EPHA6: variants seen among roughly 807,000 people sequenced by gnomAD.
EPHA6 encodes ephrin type-A receptor 6.
EPHA6 carries 50 observed loss-of-function variants against 112.0 expected under a neutral mutation model. The observed-to-expected ratio is 0.45, with a 90% CI of 0.36 to 0.56. The LOEUF (loss-of-function observed/expected upper bound fraction) is 0.56, where lower values mean the gene tolerates loss of function less well. Among genes scored for constraint, EPHA6 ranks in the 20% least tolerant of loss-of-function variants. The pLI is 0.00. For missense variants in EPHA6, 1,280 were observed against 1,417.4 expected (o/e 0.90, Z 1.56); for synonymous variants, 529 against 490.7 (o/e 1.08, Z -1.03).
chr3:97,481,595 G>A (rs1320036827), intron 9 of EPHA6: 4 of 532,974 alleles, frequency 7.5e-6, no homozygotes, highest in African/African-American at 1.9e-5. Flanking sequence ...GGGTCAGAAA[G>A]TCTTCAGGGA....
Position 97,750,973 on chromosome 3 carries a change from A to C in EPHA6, c.*2272A>C, listed in dbSNP as rs542752228. 1.3e-5 allele frequency among the ~76,000 whole-genome samples: 2 copies of C among 152,264 alleles called. No individual in the cohort carries two copies. The highest frequency in any genetic ancestry group is 3.9e-4 in the East Asian group (2 of 5,182). On this transcript the variant is annotated 3_prime_UTR_variant, in exon 18 of 18. Transcript: ENST00000389672. ...TCTGCAGTTTGCTTGATACATTTAC[A>C]CAAATCTGGATACACTTAGAAGAAA...
At chr3:97,501,002 A>G (rs1172033935) in intron 10 of EPHA6, among the ~76,000 whole-genome samples, 1 of 152,166 alleles carries the variant, frequency 6.6e-6, no homozygotes, top group East Asian at 1.9e-4. Context: ...TAATATTTTC[A>G]TAATTTTGAA....
chr3:97,670,590 G>C (rs1184345101), intron 14 of EPHA6, among the ~76,000 whole-genome samples: 1 of 152,148 alleles, frequency 6.6e-6, no homozygotes, highest in African/African-American at 2.4e-5. Context: ...TTGTATAGCT[G>C]CAGCTGTCTG....
chr3:97,694,070 G>A (rs1456385659), intron 14 of EPHA6, among the ~76,000 whole-genome samples: 3 of 151,826 alleles, frequency 2.0e-5, no homozygotes, highest in Admixed American at 6.6e-5. Flanking sequence ...ATCACAAATG[G>A]TCCCCTATTA....
At chr3:96,878,876 T>G (rs2037131209) in intron 2 of EPHA6, among the ~76,000 whole-genome samples, 1 of 152,006 alleles carries the variant, frequency 6.6e-6, no homozygotes, top group African/African-American at 2.4e-5. Context: ...TTGTCTATAC[T>G]TTTACTGATT....
chr3:97,671,896 C>T (rs1313377567), intron 14 of EPHA6, among the ~76,000 whole-genome samples: 2 of 151,904 alleles, frequency 1.3e-5, no homozygotes, highest in African/African-American at 2.4e-5. Context: ...AAGGTTTAAC[C>T]TACTTCTCTA....
intron 6 of EPHA6, among the ~76,000 whole-genome samples, chr3:97,412,487 A>G (rs2087792358): frequency 6.6e-6 from 1 of 151,972 alleles, no homozygotes; most frequent in South Asian, 2.1e-4. Flanking sequence ...GGAATAAATA[A>G]TCTAAGTTGT....
At chr3:97,026,404 G>A (rs2044639984) in intron 3 of EPHA6, among the ~76,000 whole-genome samples, 1 of 152,076 alleles carries the variant, frequency 6.6e-6, no homozygotes, top group Non-Finnish European at 1.5e-5. Context: ...CCATGAGCAT[G>A]GAATGTTTGT....
chr3:96,935,163 T>C (rs1323810618), intron 2 of EPHA6, among the ~76,000 whole-genome samples: 2 of 151,834 alleles, frequency 1.3e-5, no homozygotes. Context: ...AAGACAATAC[T>C]CACATTAACA....
Position 97,760,546 on chromosome 3 carries a change from A to G in EPHA6, c.*11845A>G, listed in dbSNP as rs981723108. The G allele has an allele frequency of 9.8e-6, 1 of 101,814 alleles. No homozygotes were observed. The highest frequency in any genetic ancestry group is 3.6e-5 in the African/African-American group (1 of 27,560). The allele number at this position is 101,814 out of a possible 1,614,324, so 6.3% of individuals were successfully genotyped here. A position where few individuals can be genotyped will look rare whatever the true frequency, so the allele number is the denominator to read the frequency against. On this transcript the variant is annotated 3_prime_UTR_variant, in exon 18 of 18. Coordinates refer to ENST00000389672, the MANE Select transcript of EPHA6 (RefSeq NM_001080448.3). ...TTGCTGTTCTAGCATAGCCAAAAAT[A>G]TAAAGATATAGATGTACATATACAT...
At chr3:97,077,153 A>G (rs1414712910) in intron 3 of EPHA6, among the ~76,000 whole-genome samples, 1 of 152,152 alleles carries the variant, frequency 6.6e-6, no homozygotes, top group Non-Finnish European at 1.5e-5. Context: ...ATCTGGCAAA[A>G]TAAATTGAAA....
intron 3 of EPHA6, among the ~76,000 whole-genome samples, chr3:97,153,613 A>G (rs1169257720): frequency 1.3e-5 from 2 of 152,160 alleles, no homozygotes; most frequent in East Asian, 3.9e-4. Flanking sequence ...AGGGACTAAA[A>G]AAACATAGTT....
intron 3 of EPHA6, among the ~76,000 whole-genome samples, chr3:97,092,493 C>G (rs1416326382): frequency 6.6e-6 from 1 of 151,926 alleles, no homozygotes; most frequent in Non-Finnish European, 1.5e-5. Context: ...CCCTCAAATA[C>G]CAGTTTTGAG....
rs2035967640 is a variant in EPHA6, at chr3:97,754,162, CA to C, written c.*5462del. 2.8e-5 allele frequency among the ~76,000 whole-genome samples: 4 copies of C among 145,444 alleles called. No individual in the cohort carries two copies. The highest frequency in any genetic ancestry group is 6.0e-5 in the Non-Finnish European group (4 of 67,108). Reference sequence around the variant, plus strand: ...GGAGTGCAATGGTGCAATCTTGGCTCACCACAACCTCCGCCTCCCAGGTTCA... The same window carrying C: ...GGAGTGCAATGGTGCAATCTTGGCTCCCACAACCTCCGCCTCCCAGGTTCA... On this transcript the variant is annotated 3_prime_UTR_variant, in exon 18 of 18. Coordinates refer to ENST00000389672, the MANE Select transcript of EPHA6 (RefSeq NM_001080448.3).
intron 7 of EPHA6, among the ~76,000 whole-genome samples, chr3:97,462,495 T>C (rs1008110752): frequency 2.6e-5 from 4 of 152,174 alleles, no homozygotes; most frequent in African/African-American, 7.2e-5. Flanking sequence ...AGAAGACTTA[T>C]GTATCATAGC....
intron 5 of EPHA6, among the ~76,000 whole-genome samples, chr3:97,319,091 G>A (rs550448772): frequency 6.6e-6 from 1 of 151,250 alleles, no homozygotes; most frequent in Non-Finnish European, 1.5e-5. Flanking sequence ...ATTCTCTTAC[G>A]ACATCACTTG....
chr3:96,858,931 C>T (rs2035852917), intron 1 of EPHA6, among the ~76,000 whole-genome samples: 1 of 152,108 alleles, frequency 6.6e-6, no homozygotes, highest in Non-Finnish European at 1.5e-5. Context: ...ACCACTTTGC[C>T]TCTTAACTAC....
chr3:97,338,862 G>T (rs1422055505), intron 5 of EPHA6, among the ~76,000 whole-genome samples: 1 of 152,086 alleles, frequency 6.6e-6, no homozygotes. Flanking sequence ...TGATCAAAAG[G>T]CTTCCCACAG....
At chr3:97,610,711 T>C in intron 12 of EPHA6, 82 bp from the exon 13 acceptor site, 2 of 1,049,882 alleles carry the variant, frequency 1.9e-6, no homozygotes, top group Non-Finnish European at 2.9e-6. Context: ...ATAATTTAGT[T>C]GCCACAGCTG....
Sources: allele counts gnomAD v4.1 joint callset (sites outside exome capture counted in the v4.1 genomes callset), GRCh38; gene constraint gnomAD v4.1.1; transcripts MANE v1.5; gene names NCBI Gene and HGNC (gene_info 2026-07-23, HGNC 2026-07-21).